TXNRD1: variants seen among roughly 807,000 people sequenced by gnomAD.
TXNRD1 encodes the protein thioredoxin reductase 1, also known as thioredoxin reductase 1, cytoplasmic.
A neutral mutation model predicts 80.3 loss-of-function variants in TXNRD1; 57 were observed. The ratio of observed to expected loss-of-function variants is 0.71; its 90% confidence interval spans 0.57 to 0.89. The LOEUF is 0.89. Among genes scored for constraint, TXNRD1 ranks in the 40% least tolerant of loss-of-function variants. TXNRD1 has a pLI of 0.00. For synonymous variants in TXNRD1, 291 were observed against 285.2 expected (o/e 1.02, Z -0.20); for missense variants, 730 against 803.0 (o/e 0.91, Z 1.10).
chr12:104,244,550 TC>T (rs1296759243), intron 1 of TXNRD1, among the ~76,000 whole-genome samples: 1 of 152,184 alleles, frequency 6.6e-6, no homozygotes, highest in African/African-American at 2.4e-5. Flanking sequence ...TTTTCAGGAT[TC>T]CTATATGTCG....
At chr12:104,266,483 G>T (rs181508807) in intron 3 of TXNRD1, among the ~76,000 whole-genome samples, 3 of 136,300 alleles carry the variant, frequency 2.2e-5, no homozygotes, top group Non-Finnish European at 3.0e-5. Context: ...TTGAGATCAC[G>T]CCACTGCACT....
intron 3 of TXNRD1, among the ~76,000 whole-genome samples, chr12:104,271,056 A>G (rs948088920): frequency 3.3e-5 from 5 of 152,142 alleles, no homozygotes; most frequent in Admixed American, 6.6e-5. Context: ...TTTCACGTGC[A>G]TCCGTGTGAA....
chr12:104,289,564 T>TTAA (rs969458127), intron 4 of TXNRD1: 9 of 152,570 alleles, frequency 5.9e-5, no homozygotes, highest in African/African-American at 1.9e-4. Flanking sequence ...TAGCCCAGAG[T>TTAA]TAATAGTTGG....
At chr12:104,216,577 A>G (rs985456612) in intron 1 of TXNRD1, among the ~76,000 whole-genome samples, 1 of 152,258 alleles carries the variant, frequency 6.6e-6, no homozygotes, top group African/African-American at 2.4e-5. Flanking sequence ...AGCACTAGAC[A>G]TGGGTAATAA....
At chr12:104,304,220 G>A (rs756460076) in intron 4 of TXNRD1, 4 of 1,613,952 alleles carry the variant, frequency 2.5e-6, no homozygotes, top group Non-Finnish European at 3.4e-6. Context: ...TCTTGTTATG[G>A]CTTCTGATTT....
chr12:104,239,126 T>G (rs2032802966), intron 1 of TXNRD1, among the ~76,000 whole-genome samples: 1 of 151,832 alleles, frequency 6.6e-6, no homozygotes, highest in Non-Finnish European at 1.5e-5. Flanking sequence ...TTGCTGATAA[T>G]TCTGTGTTAG....
chr12:104,329,994 C>T (rs1197673412), intron 13 of TXNRD1, among the ~76,000 whole-genome samples: 2 of 152,202 alleles, frequency 1.3e-5, no homozygotes, highest in East Asian at 1.9e-4. Flanking sequence ...AAATGTGTTG[C>T]TTCATCCCTG....
chr12:104,223,543 C>A (rs1016403123), intron 1 of TXNRD1, among the ~76,000 whole-genome samples: 5 of 152,204 alleles, frequency 3.3e-5, no homozygotes, highest in Admixed American at 6.5e-5. Flanking sequence ...CACTGGACTA[C>A]CATTGTTGGG....
intron 9 of TXNRD1, among the ~76,000 whole-genome samples, chr12:104,320,545 C>A (rs1284329598): frequency 1.3e-5 from 2 of 152,160 alleles, no homozygotes; most frequent in Non-Finnish European, 2.9e-5. Flanking sequence ...AAAACTCATT[C>A]TCTAACATGC....
intron 3 of TXNRD1, among the ~76,000 whole-genome samples, chr12:104,285,357 G>A (rs919651341): frequency 2.6e-5 from 4 of 152,300 alleles, no homozygotes; most frequent in African/African-American, 9.6e-5. Context: ...TGAAAGAAAA[G>A]AAGATGGTTT....
intron 4 of TXNRD1, among the ~76,000 whole-genome samples, chr12:104,293,707 G>A (rs1253998243): frequency 6.6e-6 from 1 of 152,122 alleles, no homozygotes; most frequent in Non-Finnish European, 1.5e-5. Context: ...CCCTGTGTGC[G>A]GCGACGAGAG....
At chr12:104,304,549 G>A (rs773102131) in intron 4 of TXNRD1, 1 of 1,613,918 alleles carries the variant, frequency 6.2e-7, no homozygotes, top group African/African-American at 1.3e-5. Context: ...CTACAAAGTT[G>A]CAGAAGTTGG....
rs138330222 is a variant in TXNRD1 at position 104,296,788 on chromosome 12, G to T, written c.414+7748G>T. Among the ~76,000 whole-genome samples, 1,276 of 152,300 alleles carry T rather than the reference G, an allele frequency of 8.4e-3. 29 individuals carry two copies. The highest frequency in any genetic ancestry group is 0.028 in the African/African-American group (1,160 of 41,554). The stretch of plus-strand genomic sequence containing the variant: ...ACCAAGCTCTAGGTTGTTCAGAAGA[G>T]ATTCTAGGCAGCATATTGGAAAGCA... On this transcript the variant is annotated intron_variant, in intron 4 of 16. Transcript: ENST00000525566.
intron 4 of TXNRD1, chr12:104,290,891 AAG>A: frequency 3.6e-6 from 2 of 548,122 alleles, no homozygotes; most frequent in East Asian, 3.2e-5. Context: ...TGGGAGTAAA[AAG>A]AGTCACTCTT....
At chr12:104,339,000 G>A (rs949852962) in intron 15 of TXNRD1, 139 bp from the exon 16 acceptor site, 24 of 1,139,140 alleles carry the variant, frequency 2.1e-5, no homozygotes, top group Middle Eastern at 2.9e-4. Context: ...ACAGGCGTGA[G>A]CCACTGCGCC....
chr12:104,242,189 T>TAA (rs1174646942), intron 1 of TXNRD1, among the ~76,000 whole-genome samples: 1 of 151,200 alleles, frequency 6.6e-6, no homozygotes, highest in Non-Finnish European at 1.5e-5. Flanking sequence ...TCCACCCACC[T>TAA]TGGCCTCCCA....
intron 3 of TXNRD1, chr12:104,286,641 T>A: frequency 2.6e-6 from 2 of 758,508 alleles, no homozygotes; most frequent in Non-Finnish European, 1.6e-6. Context: ...ACCAATGACA[T>A]CAGAATGTCT....
intron 4 of TXNRD1, chr12:104,304,160 C>T (rs1370259759): frequency 8.7e-6 from 14 of 1,613,956 alleles, no homozygotes; most frequent in African/African-American, 2.7e-5. Context: ...AGCCAACGTC[C>T]TCTTTGATGG....
At chr12:104,265,579 C>T in intron 3 of TXNRD1, 1 of 1,608,290 alleles carries the variant, frequency 6.2e-7, no homozygotes, top group Admixed American at 1.7e-5. Flanking sequence ...GAGCGGCACC[C>T]ACAACATGTA....
Sources: allele counts gnomAD v4.1 joint callset (sites outside exome capture counted in the v4.1 genomes callset), GRCh38; gene constraint gnomAD v4.1.1; transcripts MANE v1.5; gene names NCBI Gene and HGNC (gene_info 2026-07-23, HGNC 2026-07-21).